LPP: variants seen among roughly 807,000 people sequenced by gnomAD.
The protein encoded by LPP is lipoma-preferred partner.
Under a neutral mutation model 60.4 loss-of-function variants are expected in LPP, and 38 were observed. The observed-to-expected ratio is 0.63, with a 90% CI of 0.49 to 0.83. The LOEUF (loss-of-function observed/expected upper bound fraction) is 0.83. Ranked by LOEUF, LPP falls within the 40% of genes least tolerant of loss-of-function variation. LPP has a pLI of 0.00. For synonymous variants in LPP, 328 were observed against 290.8 expected, an observed-to-expected ratio of 1.13 and a Z score of -1.30; for missense variants, 902 against 783.6, an observed-to-expected ratio of 1.15 and a Z score of -1.80.
intron 7 of LPP, among the ~76,000 whole-genome samples, chr3:188,650,952 G>A (rs77248317): frequency 0.037 from 5,621 of 152,166 alleles, 353 homozygotes; most frequent in African/African-American, 0.13. Flanking sequence ...AATATTTACC[G>A]TCTCTTTATT....
At chr3:188,474,316 A>C (rs1005888916) in intron 4 of LPP, among the ~76,000 whole-genome samples, 3 of 152,184 alleles carry the variant, frequency 2.0e-5, no homozygotes, top group Admixed American at 1.3e-4. Flanking sequence ...TTAAGCTAAC[A>C]AAGAGCAGAA....
chr3:188,371,135 A>G (rs761569748), intron 3 of LPP, among the ~76,000 whole-genome samples: 12 of 152,118 alleles, frequency 7.9e-5, no homozygotes, highest in Non-Finnish European at 1.2e-4. Context: ...AAGATCTCTT[A>G]TTGGGACCAG....
intron 6 of LPP, among the ~76,000 whole-genome samples, chr3:188,567,251 A>G (rs1163591943): frequency 1.3e-5 from 2 of 151,918 alleles, no homozygotes; most frequent in Non-Finnish European, 2.9e-5. Flanking sequence ...ACCTTGAACA[A>G]GTTCCTTAAC....
At chr3:188,641,648 A>C (rs10937361) in intron 7 of LPP, among the ~76,000 whole-genome samples, 67,321 of 152,032 alleles carry the variant, frequency 0.44, 15,293 homozygotes, top group Middle Eastern at 0.61. Context: ...GGCTCTTTGG[A>C]TTGCCATTAA....
chr3:188,292,737 T>C (rs1375039568), intron 2 of LPP, among the ~76,000 whole-genome samples: 1 of 152,216 alleles, frequency 6.6e-6, no homozygotes, highest in Non-Finnish European at 1.5e-5. Context: ...TAGGTGGCAA[T>C]TCTCAGTGAA....
intron 6 of LPP, among the ~76,000 whole-genome samples, chr3:188,605,291 A>G (rs1053087518): frequency 6.6e-6 from 1 of 152,152 alleles, no homozygotes; most frequent in South Asian, 2.1e-4. Flanking sequence ...AAATGTGGAC[A>G]TATTTGTGAG....
rs1372089219 is a variant in LPP, at chr3:188,886,480, C to T, written c.*12001C>T. On this transcript the variant is annotated 3_prime_UTR_variant, in exon 12 of 12. Coordinates refer to ENST00000617246, the MANE Select transcript of LPP (RefSeq NM_001375462.1). ...CACTTCTCAGAATTATCTAGTATGC[C>T]TGAGTAGAGACTCACATGGGTGGAA... 1 of 182,928 alleles carries T rather than the reference C, an allele frequency of 5.5e-6. No individual in the cohort carries two copies. The highest frequency in any genetic ancestry group is 1.1e-5 in the Non-Finnish European group (1 of 91,132). The allele number at this position is 182,928 out of a possible 1,614,324, so 11.3% of individuals were successfully genotyped here.
At chr3:188,321,592 C>T (rs570506341) in intron 2 of LPP, among the ~76,000 whole-genome samples, 1 of 152,148 alleles carries the variant, frequency 6.6e-6, no homozygotes, top group Non-Finnish European at 1.5e-5. Context: ...TATATTATTG[C>T]TTGGACTGGA....
chr3:188,731,126 G>A (rs1387725616), intron 8 of LPP, among the ~76,000 whole-genome samples: 6 of 152,176 alleles, frequency 3.9e-5, no homozygotes, highest in Non-Finnish European at 7.3e-5. Context: ...TCTTTGGGAG[G>A]CATTACGCTG....
intron 7 of LPP, among the ~76,000 whole-genome samples, chr3:188,651,918 G>T (rs904872199): frequency 6.6e-6 from 1 of 152,050 alleles, no homozygotes; most frequent in Admixed American, 6.6e-5. Context: ...TATAACAGAG[G>T]TTGGTTGTAA....
chr3:188,400,150 T>C (rs1322283941), intron 3 of LPP, among the ~76,000 whole-genome samples: 1 of 152,116 alleles, frequency 6.6e-6, no homozygotes, highest in East Asian at 1.9e-4. Context: ...AGAGAAAACA[T>C]TATGGCAAGT....
intron 6 of LPP, among the ~76,000 whole-genome samples, chr3:188,598,672 C>T (rs189616889): frequency 2.0e-5 from 3 of 152,204 alleles, no homozygotes; most frequent in African/African-American, 7.2e-5. Flanking sequence ...TTAATGTTTT[C>T]TGGCTTTCCA....
intron 5 of LPP, among the ~76,000 whole-genome samples, chr3:188,510,505 T>C (rs985602824): frequency 6.6e-6 from 1 of 152,206 alleles, no homozygotes; most frequent in Non-Finnish European, 1.5e-5. Context: ...GAAATATGTG[T>C]GATTCATACC....
intron 8 of LPP, among the ~76,000 whole-genome samples, chr3:188,736,644 GGATGGATGGATGGATGGATAAATATCA>G (rs1288593345): frequency 7.9e-5 from 12 of 151,872 alleles, no homozygotes; most frequent in East Asian, 5.8e-4. Flanking sequence ...ACAGATAGAT[GGATGGATGGATGGATGGATAAATATCA>G]GATGGATGGA....
intron 6 of LPP, among the ~76,000 whole-genome samples, chr3:188,531,673 T>C (rs1652327968): frequency 6.6e-6 from 1 of 152,174 alleles, no homozygotes; most frequent in Admixed American, 6.5e-5. Flanking sequence ...ATACCCCAAC[T>C]CTATGGTAAC....
intron 9 of LPP, among the ~76,000 whole-genome samples, chr3:188,789,853 A>T (rs1743121187): frequency 6.6e-6 from 1 of 152,244 alleles, no homozygotes; most frequent in African/African-American, 2.4e-5. Flanking sequence ...TTAAAGAAAT[A>T]CAGTTTAAAA....
chr3:188,522,896 G>A (rs1400068364), intron 5 of LPP, among the ~76,000 whole-genome samples: 2 of 143,784 alleles, frequency 1.4e-5, no homozygotes, highest in Non-Finnish European at 3.1e-5. Flanking sequence ...GTGTGTGTGT[G>A]TGTGTATATA....
chr3:188,334,305 G>A (rs751909093), intron 2 of LPP, among the ~76,000 whole-genome samples: 1 of 147,558 alleles, frequency 6.8e-6, no homozygotes, highest in Non-Finnish European at 1.5e-5. Flanking sequence ...TATCTTGGCT[G>A]TTATAATTAG....
chr3:188,857,623 A>G (rs1480155373), intron 9 of LPP, among the ~76,000 whole-genome samples: 1 of 152,178 alleles, frequency 6.6e-6, no homozygotes, highest in Non-Finnish European at 1.5e-5. Flanking sequence ...AAATGTATGG[A>G]TTTGGGGTAT....
Sources: allele counts gnomAD v4.1 joint callset (sites outside exome capture counted in the v4.1 genomes callset), GRCh38; gene constraint gnomAD v4.1.1; transcripts MANE v1.5; gene names NCBI Gene and HGNC (gene_info 2026-07-23, HGNC 2026-07-21).